The following TULP4 variants were observed in gnomAD, a reference collection of about 807,000 sequenced individuals.
The protein encoded by TULP4 is tubby-related protein 4.
In TULP4, 16 loss-of-function variants were observed where a neutral mutation model predicts 129.0. The observed-to-expected ratio is 0.12, with a 90% CI of 0.08 to 0.19. TULP4 has a LOEUF of 0.19. TULP4 is among the 10% of genes least tolerant of loss of function. TULP4 has a pLI of 1.00. For missense variants in TULP4, 1,842 were observed against 2,059.1 expected (o/e 0.89, Z 2.04); for synonymous variants, 998 against 854.0 (o/e 1.17, Z -2.94).
chr6:158,506,294 C>CA (rs1780600021), intron 13 of TULP4, among the ~76,000 whole-genome samples: 1 of 139,970 alleles, frequency 7.1e-6, no homozygotes, highest in African/African-American at 2.7e-5. Flanking sequence ...TGCAGTGGCC[C>CA]AATCTCAGCT....
At chr6:158,448,137 G>A (rs1042888798) in intron 3 of TULP4, among the ~76,000 whole-genome samples, 6 of 152,140 alleles carry the variant, frequency 3.9e-5, no homozygotes, top group East Asian at 1.9e-4. Context: ...ATGGAGGGGC[G>A]CATTCAGCCT....
intron 1 of TULP4, among the ~76,000 whole-genome samples, chr6:158,248,517 C>T (rs985281335): frequency 1.3e-5 from 2 of 152,122 alleles, no homozygotes; most frequent in African/African-American, 2.4e-5. Flanking sequence ...GATCTGCCCA[C>T]CTCGGCCTCC....
At chr6:158,273,116 G>A (rs1044646548) in intron 1 of TULP4, among the ~76,000 whole-genome samples, 6 of 152,238 alleles carry the variant, frequency 3.9e-5, no homozygotes, top group African/African-American at 1.2e-4. Context: ...TCCTTGGAAT[G>A]TGTGTTCTTC....
intron 1 of TULP4, among the ~76,000 whole-genome samples, chr6:158,367,067 A>G (rs1430463830): frequency 6.7e-6 from 1 of 148,934 alleles, no homozygotes; most frequent in Non-Finnish European, 1.5e-5. Flanking sequence ...AAAAAAAAAA[A>G]TCTGAATAAC....
At chr6:158,355,552 A>G (rs1780627027) in intron 1 of TULP4, among the ~76,000 whole-genome samples, 1 of 152,180 alleles carries the variant, frequency 6.6e-6, no homozygotes, top group Non-Finnish European at 1.5e-5. Context: ...TGTGTAGTGT[A>G]GGTTCTGAAT....
At chr6:158,415,542 A>G (rs1466970451) in intron 2 of TULP4, among the ~76,000 whole-genome samples, 7 of 135,930 alleles carry the variant, frequency 5.1e-5, no homozygotes, top group African/African-American at 1.6e-4. Context: ...TTTTTTTTTT[A>G]GTAGAGATGG....
intron 7 of TULP4, among the ~76,000 whole-genome samples, chr6:158,480,566 G>C (rs1779918109): frequency 6.6e-6 from 1 of 152,186 alleles, no homozygotes; most frequent in African/African-American, 2.4e-5. Flanking sequence ...TTCAAGTGTG[G>C]GTCCCCCTAA....
chr6:158,442,815 GT>G (rs71742442), intron 3 of TULP4, among the ~76,000 whole-genome samples: 61,456 of 145,398 alleles, frequency 0.42, 13,985 homozygotes, highest in South Asian at 0.68. Context: ...TAAATGGTTG[GT>G]TTTTTTTTTT....
At chr6:158,452,416 T>G in intron 5 of TULP4, 148 bp downstream of exon 5, 1 of 1,005,498 alleles carries the variant, frequency 9.9e-7, no homozygotes. Context: ...CTAAAGCCAC[T>G]CCCTCTTCAC....
intron 5 of TULP4, among the ~76,000 whole-genome samples, chr6:158,453,740 G>A (rs1269771580): frequency 2.7e-5 from 4 of 147,738 alleles, no homozygotes; most frequent in Non-Finnish European, 5.9e-5. Flanking sequence ...AGTGAGCTGA[G>A]ATCAAGCCAC....
intron 1 of TULP4, among the ~76,000 whole-genome samples, chr6:158,241,214 C>T (rs1262010491): frequency 1.6e-5 from 2 of 128,656 alleles, no homozygotes; most frequent in Non-Finnish European, 3.5e-5. Context: ...GCGCTCCTCA[C>T]TTCCTAGATG....
intron 1 of TULP4, among the ~76,000 whole-genome samples, chr6:158,400,302 A>G (rs1009371015): frequency 1.3e-5 from 2 of 152,240 alleles, no homozygotes; most frequent in African/African-American, 4.8e-5. Flanking sequence ...AATAAATGCC[A>G]TATTTATATG....
chr6:158,471,417 A>G (rs1027072034), intron 6 of TULP4, among the ~76,000 whole-genome samples: 5 of 152,242 alleles, frequency 3.3e-5, no homozygotes, highest in Non-Finnish European at 5.9e-5. Context: ...GAAGGAATCT[A>G]GGAAACTGCT....
At chr6:158,289,811 GT>G (rs1778900156) in intron 1 of TULP4, among the ~76,000 whole-genome samples, 1 of 151,982 alleles carries the variant, frequency 6.6e-6, no homozygotes, top group African/African-American at 2.4e-5. Context: ...GAACTCCTAG[GT>G]TCAAGCAGTC....
intron 11 of TULP4, among the ~76,000 whole-genome samples, chr6:158,495,048 A>ATT (rs536135379): frequency 1.4e-5 from 2 of 147,082 alleles, no homozygotes; most frequent in Admixed American, 6.8e-5. Context: ...TGCCAGTGGC[A>ATT]TTTTTTTTTT....
intron 1 of TULP4, among the ~76,000 whole-genome samples, chr6:158,339,744 A>T (rs9456293): frequency 6.6e-6 from 1 of 152,198 alleles, no homozygotes; most frequent in East Asian, 1.9e-4. Flanking sequence ...CCTGAAAATC[A>T]CTGTTATCCT....
chr6:158,438,482 C>T (rs753434796), intron 3 of TULP4, among the ~76,000 whole-genome samples: 1 of 152,118 alleles, frequency 6.6e-6, no homozygotes, highest in Non-Finnish European at 1.5e-5. Flanking sequence ...CTTCCTTTGT[C>T]GGCATAGTCA....
chr6:158,448,942 C>T (rs1214034021), intron 3 of TULP4, 54 bp from the exon 4 acceptor site: 6 of 1,538,542 alleles, frequency 3.9e-6, no homozygotes, highest in Non-Finnish European at 5.3e-6. Flanking sequence ...ACAAGGTGTG[C>T]CAGAAACTGG....
upstream of TULP4, chr6:158,282,181 A>G (rs1270677322): frequency 6.6e-6 from 1 of 152,132 alleles, no homozygotes; most frequent in African/African-American, 2.4e-5. Context: ...GTGCATGTTC[A>G]TTTTTAAGTA....
Sources: gnomAD v4.1 joint callset for allele counts (sites outside exome capture counted in the v4.1 genomes callset) on GRCh38, gnomAD v4.1.1 for gene constraint, MANE v1.5 for transcripts, NCBI Gene and HGNC (gene_info 2026-07-23, HGNC 2026-07-21) for gene names.